ST3GAL3: variants seen among roughly 807,000 people sequenced by gnomAD.
ST3GAL3 encodes ST3 beta-galactoside alpha-2,3-sialyltransferase 3.
ST3GAL3 carries 21 observed loss-of-function variants against 50.1 expected under a neutral mutation model. The ratio of observed to expected loss-of-function variants is 0.42; its 90% CI spans 0.30 to 0.60. ST3GAL3 has a LOEUF of 0.60. Ranked by LOEUF, ST3GAL3 falls within the 20% of genes least tolerant of loss-of-function variation. ST3GAL3 has a pLI of 0.19. For missense variants in ST3GAL3, 353 were observed against 489.4 expected (o/e 0.72, Z 2.63); for synonymous variants, 183 against 190.0 (o/e 0.96, Z 0.30).
chr1:43,770,780 T>C (rs553362472), intron 2 of ST3GAL3, among the ~76,000 whole-genome samples: 4 of 152,316 alleles, frequency 2.6e-5, no homozygotes, highest in Non-Finnish European at 4.4e-5. Flanking sequence ...GGAGAAGTTA[T>C]TCAATTTAGC....
intron 1 of ST3GAL3, among the ~76,000 whole-genome samples, chr1:43,722,794 A>C (rs12410155): frequency 0.25 from 38,443 of 152,146 alleles, 5,145 homozygotes; most frequent in Non-Finnish European, 0.3. Context: ...ATGCTGGAGG[A>C]AGAGTAATTC....
At chr1:43,741,629 G>C (rs992361914) in intron 2 of ST3GAL3, among the ~76,000 whole-genome samples, 4 of 152,126 alleles carry the variant, frequency 2.6e-5, no homozygotes, top group Non-Finnish European at 4.4e-5. Flanking sequence ...GGCATTTCTG[G>C]CCATGTTTCT....
intron 7 of ST3GAL3, chr1:43,898,924 T>C: frequency 1.7e-6 from 1 of 574,238 alleles, no homozygotes; most frequent in Non-Finnish European, 3.1e-6. Flanking sequence ...CCCAAGCCTT[T>C]CCATGGCCCT....
At chr1:43,810,374 G>A (rs2060415848) in intron 3 of ST3GAL3, among the ~76,000 whole-genome samples, 2 of 152,240 alleles carry the variant, frequency 1.3e-5, no homozygotes, top group Non-Finnish European at 2.9e-5. Flanking sequence ...GGCTTCAGCT[G>A]TGGCAGGAGG....
chr1:43,862,016 G>A (rs1271850829), intron 5 of ST3GAL3, among the ~76,000 whole-genome samples: 1 of 145,292 alleles, frequency 6.9e-6, no homozygotes, highest in African/African-American at 2.6e-5. Flanking sequence ...CAACAAGAGC[G>A]AAAATCTGTC....
intron 5 of ST3GAL3, among the ~76,000 whole-genome samples, chr1:43,885,436 G>A (rs1019985899): frequency 7.2e-5 from 11 of 151,978 alleles, no homozygotes; most frequent in East Asian, 1.9e-4. Context: ...GCTGCCTCGC[G>A]TGCCGGGGTG....
Position 43,765,818 on chromosome 1 carries a change from C to T in ST3GAL3, c.119-26284C>T, listed in dbSNP as rs530203020. Among the ~76,000 whole-genome samples, 56 of 150,606 alleles carry T rather than the reference C, an allele frequency of 3.7e-4. No homozygotes were observed. The Middle Eastern group carries it at 0.01, about 27-fold the overall frequency. On this transcript the variant is annotated intron_variant, in intron 2 of 11. Transcript: ENST00000347631. ...GCGCGCGCGTCCGCGCGTCCGCGTG[C>T]GCTTTTTTTTTAGTGGTATAGGAGA...
chr1:43,911,150 T>C (rs1165994210), intron 9 of ST3GAL3: 1 of 151,912 alleles, frequency 6.6e-6, no homozygotes, highest in Non-Finnish European at 1.5e-5. Flanking sequence ...GACTTCTTTT[T>C]TTTTTTTTTG....
chr1:43,883,809 T>G (rs544228430), intron 5 of ST3GAL3, among the ~76,000 whole-genome samples: 1 of 152,362 alleles, frequency 6.6e-6, no homozygotes, highest in East Asian at 1.9e-4. Flanking sequence ...CTTATGGTTC[T>G]CTTCTCTTCT....
At chr1:43,873,110 A>C (rs1177815118) in intron 5 of ST3GAL3, among the ~76,000 whole-genome samples, 46 of 151,772 alleles carry the variant, frequency 3.0e-4, no homozygotes, top group Non-Finnish European at 1.5e-4. Flanking sequence ...CTTCAGTTTT[A>C]AAGGATCCTT....
At chr1:43,723,017 A>C (rs893623449) in intron 1 of ST3GAL3, among the ~76,000 whole-genome samples, 2 of 151,998 alleles carry the variant, frequency 1.3e-5, no homozygotes, top group African/African-American at 4.8e-5. Context: ...CGGATCCCTC[A>C]TGAACTGCTT....
At chr1:43,738,072 T>A (rs931212584) in intron 2 of ST3GAL3, 1 of 152,164 alleles carries the variant, frequency 6.6e-6, no homozygotes, top group African/African-American at 2.4e-5. Flanking sequence ...TAATAAATAC[T>A]GAAGGCAGAA....
At chr1:43,733,407 C>T (rs1676801559) in intron 1 of ST3GAL3, among the ~76,000 whole-genome samples, 1 of 152,192 alleles carries the variant, frequency 6.6e-6, no homozygotes, top group Admixed American at 6.5e-5. Context: ...GCTGTATAGC[C>T]TGTCAGGCCT....
intron 5 of ST3GAL3, chr1:43,850,927 T>C: frequency 1.8e-6 from 2 of 1,134,700 alleles, no homozygotes. Flanking sequence ...GGATCCATAC[T>C]TTGCCCTCCT....
chr1:43,850,025 G>A (rs1288192422), intron 5 of ST3GAL3, among the ~76,000 whole-genome samples: 1 of 152,212 alleles, frequency 6.6e-6, no homozygotes, highest in Admixed American at 6.5e-5. Context: ...TGGCTACACA[G>A]TATTTTTATT....
rs569907584 is a variant in ST3GAL3 at position 43,817,807 on chromosome 1, C to T, written c.209+2874C>T. 2.8e-5 allele frequency among the ~76,000 whole-genome samples: 4 copies of T among 142,548 alleles called. 1 individual carries two copies. The South Asian group carries it at 9.6e-4, about 34-fold the overall frequency. 93.5% of individuals were successfully genotyped at this position (142,548 alleles called of 152,430 possible). ...TCTTCTCCTCCTCCTTCTCCTCCTCCTTCTCCTCCTCCTTCTCTTCCTTCC... is the reference window on the plus strand; with the variant it reads ...TCTTCTCCTCCTCCTTCTCCTCCTCTTTCTCCTCCTCCTTCTCTTCCTTCC... On this transcript the variant is annotated intron_variant, in intron 4 of 11. Transcript: ENST00000347631.
intron 11 of ST3GAL3, among the ~76,000 whole-genome samples, chr1:43,928,613 A>C (rs2084455945): frequency 6.8e-6 from 1 of 147,030 alleles, no homozygotes; most frequent in Non-Finnish European, 1.5e-5. Context: ...AAAAAAACAA[A>C]AACATTTATG....
At chr1:43,773,341 T>A (rs772385149) in intron 2 of ST3GAL3, among the ~76,000 whole-genome samples, 1 of 152,320 alleles carries the variant, frequency 6.6e-6, no homozygotes, top group Middle Eastern at 3.4e-3. Context: ...CTCAGTGTTG[T>A]CTTACTGAGC....
In ST3GAL3 at chr1:43,899,465, C is replaced by A. The variant is rs751448505; in HGVS notation, c.558-76C>A. On this transcript the variant is annotated intron_variant, in intron 8 of 11. Coordinates refer to ENST00000347631, the MANE Select transcript of ST3GAL3 (RefSeq NM_006279.5). The surrounding 1 kb of genome is among the most constrained non-coding windows in gnomAD (Gnocchi z 5.4). Reference sequence around the variant, plus strand: ...CAGGTGACCTGGACTCCCTATTCTCCATGCCTGGGATAGTCTGGGGTCATG... The same window carrying A: ...CAGGTGACCTGGACTCCCTATTCTCAATGCCTGGGATAGTCTGGGGTCATG... 3 of 1,597,856 alleles carry A rather than the reference C, an allele frequency of 1.9e-6. No individual in the cohort carries two copies. In the African/African-American group the frequency reaches 4.0e-5, roughly 21 times the overall value.
Sources: allele counts gnomAD v4.1 joint callset (sites outside exome capture counted in the v4.1 genomes callset), GRCh38; gene constraint gnomAD v4.1.1; non-coding constraint Gnocchi (gnomAD v3.1); transcripts MANE v1.5; gene names NCBI Gene and HGNC (gene_info 2026-07-23, HGNC 2026-07-21).